The following MCPH1 variants were observed in gnomAD, a reference collection of about 807,000 sequenced individuals.
The protein encoded by MCPH1 is microcephalin.
Under a neutral mutation model 84.5 loss-of-function variants are expected in MCPH1, and 104 were observed. The observed-to-expected ratio is 1.23, with a 90% CI of 1.05 to 1.45. The LOEUF (loss-of-function observed/expected upper bound fraction) is 1.45. MCPH1 is among the 40% of genes most tolerant of loss of function. The pLI, the probability that MCPH1 is intolerant of heterozygous loss-of-function variation, is 0.00. For synonymous variants in MCPH1, 514 were observed against 366.8 expected (o/e 1.40, Z -4.58); for missense variants, 1,498 against 1,005.7 (o/e 1.49, Z -6.62).
chr8:6,596,489 C>G (rs1028382508), intron 12 of MCPH1, among the ~76,000 whole-genome samples: 20 of 152,174 alleles, frequency 1.3e-4, no homozygotes, highest in Admixed American at 9.2e-4. Context: ...TAAGCCTGTA[C>G]ACATGGCAGC....
chr8:6,591,825 T>A (rs757412816), intron 12 of MCPH1, among the ~76,000 whole-genome samples: 11 of 152,202 alleles, frequency 7.2e-5, no homozygotes, highest in Non-Finnish European at 1.2e-4. Flanking sequence ...TGGCATACTC[T>A]ATATTTGTTG....
chr8:6,626,641 T>C, intron 13 of MCPH1: 1 of 985,064 alleles, frequency 1.0e-6, no homozygotes, highest in South Asian at 4.7e-5. Context: ...TGCTAATGGT[T>C]GCATTTTCCC....
chr8:6,445,648 A>G lies in MCPH1; in HGVS notation c.1825+101A>G, dbSNP rs558403055. On this transcript the variant is annotated intron_variant, in intron 8 of 13. Transcript: ENST00000344683. ...CAACTTTTTCATAACTTATTTCCCCATTTACTCCTCTTTTTACTTAAAGAA... is the reference window on the plus strand; with the variant it reads ...CAACTTTTTCATAACTTATTTCCCCGTTTACTCCTCTTTTTACTTAAAGAA... 6 of 1,477,346 alleles carry G rather than the reference A, an allele frequency of 4.1e-6. No homozygotes were observed. In the East Asian group the frequency reaches 1.4e-4, roughly 36 times the overall value. The allele number at this position is 1,477,346 out of a possible 1,614,324, so 91.5% of individuals were successfully genotyped here.
intron 13 of MCPH1, among the ~76,000 whole-genome samples, chr8:6,633,430 T>C (rs191377911): frequency 6.6e-6 from 1 of 152,212 alleles, no homozygotes; most frequent in Admixed American, 6.5e-5. Context: ...TAATAGTGGA[T>C]TCAAGGCTAG....
rs551900320 is a variant in MCPH1 at position 6,620,486 on chromosome 8, C to T, written c.2215-968C>T. On this transcript the variant is annotated intron_variant, in intron 12 of 13. Transcript: ENST00000344683. ...CTGCCTCCGAGGTCAGCCTTGCCTG[C>T]TGCCCCTGACTGAGAGGACCCCGAC... Among the ~76,000 whole-genome samples the T allele has an allele frequency of 2.4e-3, 370 of 152,242 alleles. 4 individuals are homozygous for T. Among genetic ancestry groups the T allele is most frequent in the African/African-American group, 8.3e-3 (346 of 41,550 alleles).
At position 6,505,326 on chromosome 8, in the gene MCPH1, T is replaced by C. The variant is rs1168075175; in HGVS notation, c.2214+5397T>C. ...ATGTATATAACATATATATGTTATA[T>C]ACATATAGAAAGAATATATATATTC... On this transcript the variant is annotated intron_variant, in intron 12 of 13. Coordinates refer to ENST00000344683, the MANE Select transcript of MCPH1 (RefSeq NM_024596.5). 4.7e-5 allele frequency among the ~76,000 whole-genome samples: 4 copies of C among 84,806 alleles called. 1 individual carries two copies. Among genetic ancestry groups the C allele is most frequent in the East Asian group, 6.2e-4 (2 of 3,210 alleles). The allele number at this position is 84,806 out of a possible 152,430, so 55.6% of individuals were successfully genotyped here.
intron 11 of MCPH1, among the ~76,000 whole-genome samples, chr8:6,493,556 T>C (rs1232401087): frequency 6.6e-6 from 1 of 152,186 alleles, no homozygotes. Context: ...TTCCTGCCCC[T>C]TTCTTTATGA....
chr8:6,587,775 T>C (rs1360040878), intron 12 of MCPH1, among the ~76,000 whole-genome samples: 1 of 152,220 alleles, frequency 6.6e-6, no homozygotes, highest in East Asian at 1.9e-4. Flanking sequence ...GGAGACCCTG[T>C]CCAGAGAGCA....
intron 13 of MCPH1, among the ~76,000 whole-genome samples, chr8:6,640,696 AAC>A (rs912185187): frequency 9.2e-5 from 14 of 152,176 alleles, no homozygotes; most frequent in African/African-American, 2.9e-4. Context: ...TACAAAATTA[AAC>A]ACCTCTTTTC....
chr8:6,500,788 A>C (rs1812018350), intron 12 of MCPH1: 1 of 152,216 alleles, frequency 6.6e-6, no homozygotes, highest in Non-Finnish European at 1.5e-5. Context: ...TGTAAAGTAA[A>C]AACACAAATT....
At chr8:6,565,824 C>T (rs1318902951) in intron 12 of MCPH1, among the ~76,000 whole-genome samples, 1 of 152,182 alleles carries the variant, frequency 6.6e-6, no homozygotes, top group African/African-American at 2.4e-5. Flanking sequence ...AGTGATGCTT[C>T]CGGGTGCACA....
chr8:6,511,505 A>G (rs1201880958), intron 12 of MCPH1, among the ~76,000 whole-genome samples: 1 of 152,168 alleles, frequency 6.6e-6, no homozygotes, highest in African/African-American at 2.4e-5. Flanking sequence ...CATTTCTTAT[A>G]ACATGTATTT....
At chr8:6,498,967 G>A (rs914026409) in intron 11 of MCPH1, among the ~76,000 whole-genome samples, 4 of 152,002 alleles carry the variant, frequency 2.6e-5, no homozygotes, top group Admixed American at 1.3e-4. Context: ...CAGGAGAATT[G>A]CTTGAACCTG....
At chr8:6,473,871 C>G in intron 9 of MCPH1, 1 of 1,504,750 alleles carries the variant, frequency 6.6e-7, no homozygotes, top group Admixed American at 2.2e-5. Context: ...ATCCACTGCT[C>G]AATCCATTTC....
chr8:6,627,061 G>T lies in MCPH1; in HGVS notation c.2452+5370G>T, dbSNP rs924076160. ...AAAATTTGGTTTGAACATGTCCCAT[G>T]TCGATGTTTTCAGGAAAAAGATCCG... On this transcript the variant is annotated intron_variant, in intron 13 of 13. Transcript: ENST00000344683. 5.1e-6 allele frequency: 5 copies of T among 985,014 alleles called. No homozygotes were observed. In the African/African-American group the frequency reaches 8.8e-5, roughly 17 times the overall value. 61.0% of individuals were successfully genotyped at this position (985,014 alleles called of 1,614,324 possible). A position where few individuals can be genotyped will look rare whatever the true frequency, so the allele number is the denominator to read the frequency against.
At chr8:6,465,087 C>T (rs900486497) in intron 9 of MCPH1, among the ~76,000 whole-genome samples, 1 of 152,150 alleles carries the variant, frequency 6.6e-6, no homozygotes, top group Admixed American at 6.5e-5. Context: ...ATAGTTACAG[C>T]TGCTAGCTCC....
intron 12 of MCPH1, among the ~76,000 whole-genome samples, chr8:6,566,778 G>A (rs543356816): frequency 3.6e-5 from 5 of 139,948 alleles, no homozygotes; most frequent in South Asian, 4.7e-4. Context: ...CATGACCATC[G>A]ACAGTGCTTA....
intron 12 of MCPH1, among the ~76,000 whole-genome samples, chr8:6,530,994 C>G (rs1209089868): frequency 6.8e-6 from 1 of 146,300 alleles, no homozygotes; most frequent in Non-Finnish European, 1.5e-5. Context: ...TCACTTAAAT[C>G]TGCTCTTTTT....
At chr8:6,445,783 C>G (rs1804268756) in intron 8 of MCPH1, 1 of 1,303,050 alleles carries the variant, frequency 7.7e-7, no homozygotes, top group Non-Finnish European at 9.7e-7. Context: ...TTCTCCAAGA[C>G]TTTTCCTTCT....
Sources: allele counts gnomAD v4.1 joint callset (sites outside exome capture counted in the v4.1 genomes callset), GRCh38; gene constraint gnomAD v4.1.1; transcripts MANE v1.5; gene names NCBI Gene and HGNC (gene_info 2026-07-23, HGNC 2026-07-21).